The following CELSR1 variants were observed in gnomAD, a reference collection of about 807,000 sequenced individuals.
The protein encoded by CELSR1 is cadherin EGF LAG seven-pass G-type receptor 1.
Under a neutral mutation model 249.1 loss-of-function variants are expected in CELSR1, and 110 were observed. That is an observed-to-expected ratio of 0.44 (90% CI 0.38 to 0.52). The LOEUF (loss-of-function observed/expected upper bound fraction) is 0.52. CELSR1 is among the 20% of genes least tolerant of loss of function. The pLI, the probability that CELSR1 is intolerant of heterozygous loss-of-function variation, is 0.00. For synonymous variants in CELSR1, 2,113 were observed against 1,900.0 expected (o/e 1.11, Z -2.92); for missense variants, 4,109 against 4,296.4 (o/e 0.96, Z 1.22).
In CELSR1 at chr22:46,407,129, A is replaced by C. The variant is rs192619552; in HGVS notation, c.5226+1867T>G. Among the ~76,000 whole-genome samples the C allele has an allele frequency of 1.3e-5, 2 of 152,202 alleles. No homozygotes were observed. The highest frequency in any genetic ancestry group is 4.8e-5 in the African/African-American group (2 of 41,442). Reference sequence around the variant, plus strand: ...TGAAGGGAGGTCAGGAGGGAGCCCCAGGCTCACTCTGGTTGGAGATAATGA... The same window carrying C: ...TGAAGGGAGGTCAGGAGGGAGCCCCCGGCTCACTCTGGTTGGAGATAATGA... On this transcript the variant is annotated intron_variant, in intron 9 of 34. Transcript: ENST00000674500. The surrounding 1 kb of genome is among the most constrained non-coding windows in gnomAD (Gnocchi z 4.8).
intron 1 of CELSR1, among the ~76,000 whole-genome samples, chr22:46,505,876 T>G (rs996334387): frequency 6.6e-6 from 1 of 152,074 alleles, no homozygotes; most frequent in Non-Finnish European, 1.5e-5. Flanking sequence ...ATCCTTGCCT[T>G]CCCGTCAAAA....
chr22:46,396,563 T>C lies in CELSR1; in HGVS notation c.5843+42A>G. On this transcript the variant is annotated intron_variant, in intron 13 of 34. Coordinates refer to ENST00000674500, the MANE Select transcript of CELSR1 (RefSeq NM_001378328.1). This position sits in a 1 kb window ranked among gnomAD's most constrained non-coding sequence, Gnocchi z 6.4. Reference sequence around the variant, plus strand: ...ACTGAGTCGAGGGAACACAGCCACATGGACTCTGAAGGTGCAGGGAGGCAC... The same window carrying C: ...ACTGAGTCGAGGGAACACAGCCACACGGACTCTGAAGGTGCAGGGAGGCAC... 1 of 1,493,736 alleles carries C rather than the reference T, an allele frequency of 6.7e-7. No homozygotes were observed. The highest frequency in any genetic ancestry group is 8.9e-7 in the Non-Finnish European group (1 of 1,123,628). 92.5% of individuals were successfully genotyped at this position (1,493,736 alleles called of 1,614,324 possible).
chr22:46,463,522 TA>T (rs11453877), intron 2 of CELSR1, among the ~76,000 whole-genome samples, 184 bp downstream of exon 2: 1,615 of 142,162 alleles, frequency 0.011, 11 homozygotes, highest in Middle Eastern at 0.04. Flanking sequence ...TCAAAAAAGT[TA>T]AAAAAAAAAA....
At chr22:46,416,385 C>G (rs979733326) in intron 5 of CELSR1, among the ~76,000 whole-genome samples, 2 of 152,220 alleles carry the variant, frequency 1.3e-5, no homozygotes. Flanking sequence ...GGACCCCCCC[C>G]AACCCCTGCA....
rs1283460519 is a variant in CELSR1 at position 46,464,853 on chromosome 22, C to G, written c.3545-508G>C. On this transcript the variant is annotated intron_variant, in intron 1 of 34. Transcript: ENST00000674500. This position sits in a 1 kb window ranked among gnomAD's most constrained non-coding sequence, Gnocchi z 8.5. ...CAGCTCAGCTCAAACTCTGCAGTGC[C>G]TGGCAAGCCCGCCCTGGTCCTGCCC... is the stretch of plus-strand genomic sequence containing the variant. 6.6e-6 allele frequency among the ~76,000 whole-genome samples: 1 copy of G among 152,186 alleles called. No individual in the cohort carries two copies. Among genetic ancestry groups the G allele is most frequent in the African/African-American group, 2.4e-5 (1 of 41,448 alleles).
rs1006871749 is a variant in CELSR1, at chr22:46,445,085, A to G, written c.4184-5674T>C. Among the ~76,000 whole-genome samples, 2 of 152,134 alleles carry G rather than the reference A, an allele frequency of 1.3e-5. No individual in the cohort carries two copies. Among genetic ancestry groups the G allele is most frequent in the Admixed American group, 6.6e-5 (1 of 15,266 alleles). On this transcript the variant is annotated intron_variant, in intron 2 of 34. Coordinates refer to ENST00000674500, the MANE Select transcript of CELSR1 (RefSeq NM_001378328.1). This position sits in a 1 kb window ranked among gnomAD's most constrained non-coding sequence, Gnocchi z 4.4. Reference sequence around the variant, plus strand: ...GTGGCAAGCGCCTGTAATCCCAGCTACTTGGGAGGCTGAGGCAGGAGAATC... The same window carrying G: ...GTGGCAAGCGCCTGTAATCCCAGCTGCTTGGGAGGCTGAGGCAGGAGAATC...
Position 46,436,556 on chromosome 22 carries a change from A to G in CELSR1, c.4407-267T>C, listed in dbSNP as rs1335549396. Among the ~76,000 whole-genome samples, 1 of 152,148 alleles carries G rather than the reference A, an allele frequency of 6.6e-6. No individual in the cohort carries two copies. Among genetic ancestry groups the G allele is most frequent in the African/African-American group, 2.4e-5 (1 of 41,428 alleles). On this transcript the variant is annotated intron_variant, in intron 3 of 34. Transcript: ENST00000674500. The surrounding 1 kb of genome is among the most constrained non-coding windows in gnomAD (Gnocchi z 5.9). Reference sequence around the variant, plus strand: ...GCAAAAAATATCCCATTTGCACAACATGCTACAAGTACGACCAGCGGCCAG... The same window carrying G: ...GCAAAAAATATCCCATTTGCACAACGTGCTACAAGTACGACCAGCGGCCAG...
At chr22:46,397,032 G>A (rs2079155645) in intron 12 of CELSR1, among the ~76,000 whole-genome samples, 1 of 151,970 alleles carries the variant, frequency 6.6e-6, no homozygotes, top group East Asian at 1.9e-4. Context: ...AGCAGAAGAT[G>A]ACTTAAGCAC....
At chr22:46,522,508 T>G (rs2080696422) in intron 1 of CELSR1, among the ~76,000 whole-genome samples, 1 of 152,196 alleles carries the variant, frequency 6.6e-6, no homozygotes, top group African/African-American at 2.4e-5. Flanking sequence ...ATTCAAGTCC[T>G]TTGCTCATTT....
chr22:46,398,496 C>A lies in CELSR1; in HGVS notation c.5526+28G>T. ...GGAGCTGCCTGTGAGGGGCAGGCCT[C>A]CCCCCGCCCCCCACAACCCCCACGC... On this transcript the variant is annotated intron_variant, in intron 11 of 34. Transcript: ENST00000674500. This position sits in a 1 kb window ranked among gnomAD's most constrained non-coding sequence, Gnocchi z 7.2. 3 of 1,473,398 alleles carry A rather than the reference C, an allele frequency of 2.0e-6. No homozygotes were observed. Among genetic ancestry groups the A allele is most frequent in the Non-Finnish European group, 2.8e-6 (3 of 1,069,220 alleles). 91.3% of individuals were successfully genotyped at this position (1,473,398 alleles called of 1,614,324 possible).
chr22:46,369,752 CCAG>C lies in CELSR1; in HGVS notation c.7809_7811del (p.Cys2603del). On this transcript the variant is annotated inframe_deletion, in exon 26 of 35. Coordinates refer to ENST00000674500, the MANE Select transcript of CELSR1 (RefSeq NM_001378328.1). ...AAATCAGGGTGTCTTGAAGCGACAG[CCAG>C]CAGAAGTCGGGGTTCCCGTAGCCCT... The C allele has an allele frequency of 6.2e-7, 1 of 1,613,406 alleles. No homozygotes were observed.
In CELSR1 at chr22:46,535,506, C is replaced by G. The variant is rs1025410649; in HGVS notation, c.1665G>C (p.Val555=). ...TAGGCTCGTTGTCGTTGACATCCAG[C>G]ACCTGCACAGACACCACCCCTGAAG... The part of the protein sequence containing the change: ...INSSGVVSVQ[V]LDVNDNEPIF... Residue 555 remains valine, a synonymous_variant, in exon 1 of 35, where the codon GTG becomes GTC. Coordinates refer to ENST00000674500, the MANE Select transcript of CELSR1 (RefSeq NM_001378328.1). 2 of 1,612,792 alleles carry G rather than the reference C, an allele frequency of 1.2e-6. No individual in the cohort carries two copies. The highest frequency in any genetic ancestry group is 4.5e-5 in the East Asian group (2 of 44,888).
In CELSR1 at chr22:46,410,603, G is replaced by A. The variant is rs376936780; in HGVS notation, c.4770-42C>T. The A allele has an allele frequency of 1.0e-4, 165 of 1,600,246 alleles. No homozygotes were observed. Among genetic ancestry groups the A allele is most frequent in the Admixed American group, 4.5e-4 (27 of 59,730 alleles). On this transcript the variant is annotated intron_variant, in intron 6 of 34. Transcript: ENST00000674500. The surrounding 1 kb of genome is among the most constrained non-coding windows in gnomAD (Gnocchi z 6.8). ...ATCTTCTGTGACGTCAGGGCGGGGA[G>A]AGGCGGCCACGGCGGGCTGGGCTCC...
rs535092789 is a variant in CELSR1 at position 46,534,247 on chromosome 22, C to T, written c.2924G>A (p.Ser975Asn). ...NLWALAVDRG[S>N]PTPLSASVEI... is the part of the protein sequence containing the mutation. ...TACCGAGGCGCTAAGGGGAGTGGGA[C>T]TGCCCCGATCCACAGCCAGAGCCCA... The change falls in exon 1 of 35, where the codon AGT becomes AAT. Residue 975 changes from serine (S) to asparagine (N), a missense_variant. Transcript: ENST00000674500. This position sits in a 1 kb window ranked among gnomAD's most constrained non-coding sequence, Gnocchi z 9.7. 5.6e-6 allele frequency: 9 copies of T among 1,613,638 alleles called. No individual in the cohort carries two copies. In the East Asian group the frequency reaches 1.8e-4, roughly 32 times the overall value.
intron 1 of CELSR1, among the ~76,000 whole-genome samples, chr22:46,487,769 T>G (rs1252855518): frequency 1.0e-3 from 44 of 42,540 alleles, no homozygotes; most frequent in Middle Eastern, 0.019. Flanking sequence ...TGGGAGGTAT[T>G]GGGGAGGGGA....
intron 2 of CELSR1, 137 bp from the exon 3 acceptor site, chr22:46,439,548 G>A: frequency 1.5e-6 from 1 of 684,464 alleles, no homozygotes; most frequent in Non-Finnish European, 2.5e-6. Context: ...CTCCAGGACA[G>A]GTCTGTGACA....
chr22:46,394,314 G>A (rs1190533836), intron 13 of CELSR1, 52 bp from the exon 14 acceptor site: 1 of 1,575,694 alleles, frequency 6.3e-7, no homozygotes, highest in African/African-American at 1.3e-5. Context: ...TGTGCTTTCT[G>A]GAATGAGAAG....
rs1341907433 is a variant in CELSR1 at position 46,434,648 on chromosome 22, C to A, written c.4523-1167G>T. 1.3e-5 allele frequency among the ~76,000 whole-genome samples: 2 copies of A among 152,212 alleles called. No homozygotes were observed. Among genetic ancestry groups the A allele is most frequent in the Non-Finnish European group, 2.9e-5 (2 of 68,042 alleles). ...TTCTAGAGACGGAAGCAGCTCTGAG[C>A]CATCTTGGTGAACTTCCAGGTGAAG... On this transcript the variant is annotated intron_variant, in intron 4 of 34. Transcript: ENST00000674500. The surrounding 1 kb of genome is among the most constrained non-coding windows in gnomAD (Gnocchi z 4.9).
At chr22:46,533,292 T>G (rs5767247) in intron 1 of CELSR1, among the ~76,000 whole-genome samples, 139,849 of 152,264 alleles carry the variant, frequency 0.92, 64,368 homozygotes, top group East Asian at 0.98. Flanking sequence ...AAGCAAATCC[T>G]GTGACCCAGA....
Sources: allele counts gnomAD v4.1 joint callset (sites outside exome capture counted in the v4.1 genomes callset), GRCh38; gene constraint gnomAD v4.1.1; non-coding constraint Gnocchi (gnomAD v3.1); transcripts MANE v1.5; gene names NCBI Gene and HGNC (gene_info 2026-07-23, HGNC 2026-07-21).